MCTP1: variants seen among roughly 807,000 people sequenced by gnomAD.
MCTP1 encodes the protein multiple C2 and transmembrane domain-containing protein 1.
In MCTP1, 69 loss-of-function variants were observed where a neutral mutation model predicts 120.6. The ratio of observed to expected loss-of-function variants is 0.57; its 90% CI spans 0.47 to 0.70. MCTP1 has a LOEUF of 0.70. Among genes scored for constraint, MCTP1 ranks in the 30% least tolerant of loss-of-function variants. The probability of loss-of-function intolerance (pLI) is 0.00; values close to 1 mark genes in which losing one functional copy is unlikely to be tolerated. For missense variants in MCTP1, 1,203 were observed against 1,248.8 expected (o/e 0.96, Z 0.55); for synonymous variants, 529 against 493.1 (o/e 1.07, Z -0.96).
chr5:94,920,343 T>C (rs981837667), intron 7 of MCTP1, among the ~76,000 whole-genome samples: 2 of 151,384 alleles, frequency 1.3e-5, no homozygotes. Context: ...AACATCATAC[T>C]TAAAAATGGA....
intron 1 of MCTP1, among the ~76,000 whole-genome samples, chr5:95,255,751 G>C (rs1757819002): frequency 6.6e-6 from 1 of 152,136 alleles, no homozygotes; most frequent in Admixed American, 6.6e-5. Flanking sequence ...CAGAGTGTCA[G>C]AGAACCAGGA....
chr5:95,190,870 ACTATT>A (rs200814031), intron 1 of MCTP1, among the ~76,000 whole-genome samples: 1,590 of 152,160 alleles, frequency 0.01, 14 homozygotes, highest in Middle Eastern at 0.031. Context: ...CCAAAATGAA[ACTATT>A]CTATAGAACT....
chr5:94,709,985 C>A (rs1276952465), intron 21 of MCTP1: 1 of 152,134 alleles, frequency 6.6e-6, no homozygotes, highest in Non-Finnish European at 1.5e-5. Flanking sequence ...CTTTCCGAAG[C>A]TAAGACTCAT....
chr5:94,716,304 C>G (rs1277725927), intron 19 of MCTP1, among the ~76,000 whole-genome samples: 1 of 152,046 alleles, frequency 6.6e-6, no homozygotes, highest in Non-Finnish European at 1.5e-5. Context: ...AGCTAGTTAG[C>G]TACTTAGGGT....
intron 1 of MCTP1, among the ~76,000 whole-genome samples, chr5:95,071,489 T>C (rs1047886320): frequency 6.6e-6 from 1 of 152,224 alleles, no homozygotes; most frequent in Non-Finnish European, 1.5e-5. Context: ...AAATATAAGT[T>C]AACTTCCCCT....
chr5:95,110,098 C>G (rs1394951297), intron 1 of MCTP1, among the ~76,000 whole-genome samples: 2 of 151,790 alleles, frequency 1.3e-5, no homozygotes, highest in Admixed American at 6.6e-5. Flanking sequence ...CACAGCCTTG[C>G]AAAACAAATT....
chr5:95,055,539 G>A (rs1441722417), intron 1 of MCTP1, among the ~76,000 whole-genome samples: 1 of 152,202 alleles, frequency 6.6e-6, no homozygotes, highest in Admixed American at 6.5e-5. Context: ...GAGAGGTTAA[G>A]CAACATGTCC....
At chr5:94,767,917 A>G (rs1209080685) in intron 19 of MCTP1, among the ~76,000 whole-genome samples, 1 of 152,218 alleles carries the variant, frequency 6.6e-6, no homozygotes, top group African/African-American at 2.4e-5. Flanking sequence ...TAAAATTTGT[A>G]TGGAACTATA....
At position 94,801,667 on chromosome 5, in the gene MCTP1, G is replaced by A. The variant is rs143155878; in HGVS notation, c.2437-2535C>T. On this transcript the variant is annotated intron_variant, in intron 17 of 22. Transcript: ENST00000515393. ...TCTTTTTAACCTATTAAGCAGATAT[G>A]TTTTCCCTTGTAATGTCCATTCATT... Among the ~76,000 whole-genome samples, 185 of 152,228 alleles carry A rather than the reference G, an allele frequency of 1.2e-3. 2 individuals are homozygous for A. The East Asian group carries it at 0.013, about 10-fold the overall frequency.
intron 1 of MCTP1, among the ~76,000 whole-genome samples, chr5:95,119,722 T>C (rs1758066101): frequency 6.6e-6 from 1 of 152,180 alleles, no homozygotes; most frequent in Non-Finnish European, 1.5e-5. Context: ...CAAGAATCAT[T>C]AGTGGCTACT....
At chr5:94,764,787 C>A (rs1772166466) in intron 19 of MCTP1, among the ~76,000 whole-genome samples, 1 of 136,028 alleles carries the variant, frequency 7.4e-6, no homozygotes, top group Non-Finnish European at 1.5e-5. Context: ...TAATTGGGGA[C>A]TTCAATACCC....
chr5:95,230,842 T>C (rs911782583), intron 1 of MCTP1, among the ~76,000 whole-genome samples: 1 of 152,228 alleles, frequency 6.6e-6, no homozygotes, highest in African/African-American at 2.4e-5. Flanking sequence ...ACACCTTTTT[T>C]TTAAACTGAA....
At position 94,774,052 on chromosome 5, in the gene MCTP1, C is replaced by T. The variant is rs1231930475; in HGVS notation, c.2610+5058G>A. Among the ~76,000 whole-genome samples the T allele has an allele frequency of 1.0e-4, 9 of 86,446 alleles. 2 individuals carry two copies. The highest frequency in any genetic ancestry group is 1.3e-4 in the Non-Finnish European group (6 of 44,906). 56.7% of individuals were successfully genotyped at this position (86,446 alleles called of 152,430 possible). The stretch of plus-strand genomic sequence containing the variant: ...TGAAACCCCGTCTCTACTAAAAATA[C>T]AAAAAATTAGCCGGGCGTAGTGGCG... On this transcript the variant is annotated intron_variant, in intron 19 of 22. Transcript: ENST00000515393.
At chr5:94,876,679 C>T (rs1226351591) in intron 12 of MCTP1, among the ~76,000 whole-genome samples, 1 of 151,992 alleles carries the variant, frequency 6.6e-6, no homozygotes, top group Non-Finnish European at 1.5e-5. Flanking sequence ...AATCCCTCTC[C>T]CTAGCAATGC....
intron 1 of MCTP1, among the ~76,000 whole-genome samples, chr5:95,045,050 C>A (rs1460201099): frequency 6.6e-6 from 1 of 152,156 alleles, no homozygotes; most frequent in Non-Finnish European, 1.5e-5. Flanking sequence ...ATCTGTATCA[C>A]CAACTTCTCC....
chr5:95,095,169 G>T (rs989182269), intron 1 of MCTP1, among the ~76,000 whole-genome samples: 1 of 150,298 alleles, frequency 6.7e-6, no homozygotes, highest in Non-Finnish European at 1.5e-5. Flanking sequence ...GACTACAGGC[G>T]CCCGCTACCA....
chr5:95,242,477 A>G (rs1017204575), intron 1 of MCTP1, among the ~76,000 whole-genome samples: 5 of 152,204 alleles, frequency 3.3e-5, no homozygotes, highest in Non-Finnish European at 5.9e-5. Context: ...AATAACATAA[A>G]AGTAGAAACA....
At chr5:95,265,076 T>A (rs1758775969) in intron 1 of MCTP1, among the ~76,000 whole-genome samples, 1 of 152,100 alleles carries the variant, frequency 6.6e-6, no homozygotes, top group Non-Finnish European at 1.5e-5. Context: ...ACTCCATCCA[T>A]CCTATTAGAC....
At chr5:95,090,597 T>C (rs1237784021) in intron 1 of MCTP1, among the ~76,000 whole-genome samples, 1 of 152,198 alleles carries the variant, frequency 6.6e-6, no homozygotes, top group Non-Finnish European at 1.5e-5. Flanking sequence ...GGCACTGACG[T>C]TGCTCCTCTC....
Sources: gnomAD v4.1 joint callset for allele counts (sites outside exome capture counted in the v4.1 genomes callset) on GRCh38, gnomAD v4.1.1 for gene constraint, MANE v1.5 for transcripts, NCBI Gene and HGNC (gene_info 2026-07-23, HGNC 2026-07-21) for gene names.